The following TTC3 variants were observed in gnomAD, a reference collection of about 807,000 sequenced individuals.
The protein encoded by TTC3 is E3 ubiquitin-protein ligase TTC3.
Under a neutral mutation model 249.6 loss-of-function variants are expected in TTC3, and 180 were observed. The observed-to-expected ratio is 0.72, with a 90% CI of 0.64 to 0.82. TTC3 has a LOEUF of 0.82. Ranked by LOEUF, TTC3 falls within the 40% of genes least tolerant of loss-of-function variation. The pLI is 0.00. For missense variants in TTC3, 2,061 were observed against 2,398.4 expected, an observed-to-expected ratio of 0.86 and a Z score of 2.94; for synonymous variants, 717 against 805.0, an observed-to-expected ratio of 0.89 and a Z score of 1.85.
exon 44 of TTC3, chr21:37,197,970 T>C (rs779749188): frequency 1.2e-6 from 2 of 1,613,772 alleles, no homozygotes; most frequent in African/African-American, 2.7e-5. Flanking sequence ...TCGGTGGTTG[T>C]TGCACCATCA....
At chr21:37,150,286 A>G in intron 24 of TTC3, 116 bp downstream of exon 24, 5 of 742,578 alleles carry the variant, frequency 6.7e-6, no homozygotes, top group South Asian at 3.4e-5. Flanking sequence ...GAAAGAAACA[A>G]TTACTTCATT....
intron 29 of TTC3, 29 bp from the exon 30 acceptor site, chr21:37,160,773 G>A (rs1446332141): frequency 1.9e-6 from 3 of 1,610,476 alleles, no homozygotes; most frequent in Admixed American, 3.4e-5. Flanking sequence ...TTATTTGAGT[G>A]TTCACTGATT....
intron 15 of TTC3, among the ~76,000 whole-genome samples, chr21:37,127,544 G>A (rs557461396): frequency 1.2e-4 from 18 of 152,188 alleles, no homozygotes; most frequent in African/African-American, 3.9e-4. Context: ...CTTTTAACAC[G>A]GAATTTAGGA....
chr21:37,096,710 C>T, intron 10 of TTC3, 67 bp downstream of exon 10: 1 of 1,281,600 alleles, frequency 7.8e-7, no homozygotes, highest in East Asian at 2.3e-5. Flanking sequence ...GGAAACGTTT[C>T]TGTTTTTCAG....
At chr21:37,165,078 G>A (rs2835640) in intron 32 of TTC3, among the ~76,000 whole-genome samples, 81,157 of 151,948 alleles carry the variant, frequency 0.53, 22,307 homozygotes, top group African/African-American at 0.64. Flanking sequence ...ATTTCTTAAA[G>A]TATGCTAGAA....
intron 30 of TTC3, among the ~76,000 whole-genome samples, chr21:37,161,240 A>G (rs2080717253): frequency 6.6e-6 from 1 of 152,124 alleles, no homozygotes; most frequent in South Asian, 2.1e-4. Flanking sequence ...TCCTCTCACC[A>G]AAGGCTCTCC....
rs140312800 is a variant in TTC3 at position 37,123,634 on chromosome 21, A to G, written c.1109+606A>G. Among the ~76,000 whole-genome samples, 399 of 152,370 alleles carry G rather than the reference A, an allele frequency of 2.6e-3. 2 individuals are homozygous for G. The highest frequency in any genetic ancestry group is 8.9e-3 in the African/African-American group (370 of 41,582). On this transcript the variant is annotated intron_variant, in intron 13 of 45. Transcript: ENST00000355666. Reference sequence around the variant, plus strand: ...ATACCGAAGCTGCTAATTCTGTAGCATGCTGAACATGTAGACATAAAGAAA... The same window carrying G: ...ATACCGAAGCTGCTAATTCTGTAGCGTGCTGAACATGTAGACATAAAGAAA...
At chr21:37,140,249 C>G (rs992402435) in intron 19 of TTC3, among the ~76,000 whole-genome samples, 1 of 152,072 alleles carries the variant, frequency 6.6e-6, no homozygotes, top group African/African-American at 2.4e-5. Flanking sequence ...AAAACAAAAA[C>G]AAAAACACGA....
At chr21:37,090,953 C>CT (rs1297060807) in intron 6 of TTC3, among the ~76,000 whole-genome samples, 3 of 151,490 alleles carry the variant, frequency 2.0e-5, no homozygotes, top group Non-Finnish European at 4.4e-5. Flanking sequence ...TCTGAGAACC[C>CT]TCATCCACCT....
At chr21:37,101,357 G>T (rs1601419357) in intron 10 of TTC3, 1 of 86,726 alleles carries the variant, frequency 1.2e-5, no homozygotes, top group African/African-American at 4.3e-5. Flanking sequence ...ATTCTTGTGT[G>T]TGTGTGTGTG....
chr21:37,135,961 T>A (rs1484214569), intron 18 of TTC3, among the ~76,000 whole-genome samples: 1 of 152,218 alleles, frequency 6.6e-6, no homozygotes, highest in African/African-American at 2.4e-5. Flanking sequence ...TGTGTCACAT[T>A]TTGGTAATTC....
chr21:37,168,327 A>C (rs2081424686), intron 34 of TTC3, among the ~76,000 whole-genome samples: 2 of 152,184 alleles, frequency 1.3e-5, no homozygotes, highest in African/African-American at 4.8e-5. Flanking sequence ...AAGATAGAAA[A>C]GAGGAGATGT....
At chr21:37,180,975 A>G (rs2082707580) in intron 35 of TTC3, among the ~76,000 whole-genome samples, 1 of 152,214 alleles carries the variant, frequency 6.6e-6, no homozygotes, top group South Asian at 2.1e-4. Context: ...GTTTATAGTT[A>G]TGTCAATAAA....
At chr21:37,140,705 G>T (rs1480658486) in intron 20 of TTC3, 32 bp downstream of exon 20, 3 of 1,445,352 alleles carry the variant, frequency 2.1e-6, no homozygotes, top group Non-Finnish European at 2.8e-6. Context: ...TTAAGCTCTA[G>T]GCTGGTAACT....
exon 2 of TTC3, chr21:37,087,360 A>G: frequency 1.9e-6 from 3 of 1,613,978 alleles, no homozygotes; most frequent in Non-Finnish European, 2.5e-6. Context: ...ATTTATGAGC[A>G]ATGATTATGT....
At chr21:37,088,590 G>A (rs3819262) in intron 4 of TTC3, among the ~76,000 whole-genome samples, 1 of 151,282 alleles carries the variant, frequency 6.6e-6, no homozygotes, top group East Asian at 1.9e-4. Flanking sequence ...AATTAACATG[G>A]GTGTTTATAA....
intron 16 of TTC3, among the ~76,000 whole-genome samples, chr21:37,129,414 T>G (rs1365769690): frequency 2.0e-5 from 3 of 152,262 alleles, no homozygotes; most frequent in Non-Finnish European, 2.9e-5. Context: ...CCTCCTGCAG[T>G]CCCTTCTCTA....
chr21:37,201,859 A>G (rs2085533887), exon 46 of TTC3: 2 of 406,496 alleles, frequency 4.9e-6, no homozygotes, highest in Non-Finnish European at 8.9e-6. Flanking sequence ...GGAAAGTACT[A>G]TGAACGTCTC....
chr21:37,169,037 A>T (rs1793858), intron 34 of TTC3, among the ~76,000 whole-genome samples: 2 of 152,058 alleles, frequency 1.3e-5, no homozygotes, highest in Non-Finnish European at 2.9e-5. Context: ...AGTGTGTGAT[A>T]CCAGGCAGAA....
Sources: allele counts gnomAD v4.1 joint callset (sites outside exome capture counted in the v4.1 genomes callset), GRCh38; gene constraint gnomAD v4.1.1; transcripts MANE v1.5; gene names NCBI Gene and HGNC (gene_info 2026-07-23, HGNC 2026-07-21).